Variants in GPC5 observed in about 807,000 individuals in gnomAD.
GPC5 encodes the protein glypican-5.
In GPC5, 47 loss-of-function variants were observed where a neutral mutation model predicts 53.9. That is an observed-to-expected ratio of 0.87 (90% CI 0.69 to 1.11). The LOEUF (loss-of-function observed/expected upper bound fraction) is 1.11. GPC5 is among the 50% of genes most tolerant of loss of function. The pLI is 0.00. For missense variants in GPC5, 748 were observed against 713.1 expected (o/e 1.05, Z -0.56); for synonymous variants, 286 against 263.3 (o/e 1.09, Z -0.84).
At chr13:91,930,168 G>A (rs140402213) in intron 6 of GPC5, among the ~76,000 whole-genome samples, 10 of 152,090 alleles carry the variant, frequency 6.6e-5, no homozygotes, top group Admixed American at 4.6e-4. Context: ...TGGATAGAAC[G>A]ACCATGAAGC....
At chr13:92,844,951 G>A (rs1878563767) in intron 7 of GPC5, among the ~76,000 whole-genome samples, 1 of 152,090 alleles carries the variant, frequency 6.6e-6, no homozygotes, top group Non-Finnish European at 1.5e-5. Context: ...CACAGATACA[G>A]TTGGAAGGAA....
At chr13:91,809,698 G>T (rs1158154810) in intron 5 of GPC5, among the ~76,000 whole-genome samples, 1 of 151,576 alleles carries the variant, frequency 6.6e-6, no homozygotes, top group Non-Finnish European at 1.5e-5. Context: ...CTCCTGCTTT[G>T]TTTTTTTAAT....
intron 5 of GPC5, among the ~76,000 whole-genome samples, chr13:91,837,354 A>G: frequency 6.6e-6 from 1 of 152,082 alleles, no homozygotes; most frequent in East Asian, 1.9e-4. Flanking sequence ...CCTGAATGAC[A>G]ATATGGGTCA....
At chr13:91,637,437 G>A (rs571553288) in intron 2 of GPC5, among the ~76,000 whole-genome samples, 1 of 152,288 alleles carries the variant, frequency 6.6e-6, no homozygotes, top group African/African-American at 2.4e-5. Flanking sequence ...GACATTCCCA[G>A]GCAACAGTGG....
chr13:92,583,817 T>C (rs552588567), intron 7 of GPC5, among the ~76,000 whole-genome samples: 1 of 152,144 alleles, frequency 6.6e-6, no homozygotes, highest in Non-Finnish European at 1.5e-5. Context: ...GGCAGGTAAT[T>C]GAATCATGAG....
At chr13:91,424,252 C>T (rs1878850025) in intron 1 of GPC5, among the ~76,000 whole-genome samples, 1 of 145,180 alleles carries the variant, frequency 6.9e-6, no homozygotes, top group Non-Finnish European at 1.5e-5. Context: ...GTGGCAAGTA[C>T]ATCAGTTTCA....
chr13:92,740,631 A>T (rs1400734733), intron 7 of GPC5, among the ~76,000 whole-genome samples: 1 of 152,050 alleles, frequency 6.6e-6, no homozygotes, highest in Non-Finnish European at 1.5e-5. Flanking sequence ...AATGGCTAAA[A>T]GTACCAGGAA....
chr13:91,702,603 T>A (rs947934854), intron 3 of GPC5, among the ~76,000 whole-genome samples: 4 of 152,046 alleles, frequency 2.6e-5, no homozygotes, highest in Non-Finnish European at 5.9e-5. Context: ...TATTGCACAA[T>A]ATTGCTTTAC....
chr13:92,583,507 G>C (rs1883435560), intron 7 of GPC5, among the ~76,000 whole-genome samples: 1 of 152,154 alleles, frequency 6.6e-6, no homozygotes, highest in African/African-American at 2.4e-5. Context: ...GAAAAGAACA[G>C]AAGTTAGTGA....
intron 3 of GPC5, among the ~76,000 whole-genome samples, chr13:91,710,670 G>A (rs2036205503): frequency 6.6e-6 from 1 of 152,118 alleles, no homozygotes; most frequent in African/African-American, 2.4e-5. Context: ...GGGTTCTAAG[G>A]CAGCCCAAGC....
At chr13:92,451,776 T>C (rs1271374804) in intron 7 of GPC5, among the ~76,000 whole-genome samples, 1 of 152,178 alleles carries the variant, frequency 6.6e-6, no homozygotes, top group African/African-American at 2.4e-5. Context: ...ACTTTAGAAT[T>C]GCTGCAAAAT....
At position 92,690,741 on chromosome 13, in the gene GPC5, T is replaced by C. The variant is rs1370987526; in HGVS notation, c.1562-175541T>C. Among the ~76,000 whole-genome samples, 8 of 104,052 alleles carry C rather than the reference T, an allele frequency of 7.7e-5. No individual in the cohort carries two copies. In the Admixed American group the frequency reaches 8.8e-4, roughly 11 times the overall value. 68.3% of individuals were successfully genotyped at this position (104,052 alleles called of 152,430 possible). ...TGATGATGGTGATGTACAGATGGGT[T>C]TTTGGTGTAGATGTCCTTTCTGGTT... is the stretch of plus-strand genomic sequence containing the variant. On this transcript the variant is annotated intron_variant, in intron 7 of 7. Coordinates refer to ENST00000377067, the MANE Select transcript of GPC5 (RefSeq NM_004466.6).
intron 7 of GPC5, among the ~76,000 whole-genome samples, chr13:92,654,722 T>A (rs1311593056): frequency 6.6e-6 from 1 of 150,880 alleles, no homozygotes; most frequent in Non-Finnish European, 1.5e-5. Flanking sequence ...AATTTTATTT[T>A]TATACTCAAC....
intron 5 of GPC5, among the ~76,000 whole-genome samples, chr13:91,760,034 T>G (rs1293816868): frequency 6.6e-6 from 1 of 152,094 alleles, no homozygotes; most frequent in African/African-American, 2.4e-5. Context: ...TAATTTGTAT[T>G]GTACATACTT....
At chr13:91,555,142 C>G (rs780759419) in intron 2 of GPC5, among the ~76,000 whole-genome samples, 2 of 151,986 alleles carry the variant, frequency 1.3e-5, no homozygotes, top group African/African-American at 4.8e-5. Context: ...TCACCCAGTT[C>G]CCCCCAGTGG....
chr13:92,712,474 AC>A (rs1888173838), intron 7 of GPC5, among the ~76,000 whole-genome samples: 3 of 145,542 alleles, frequency 2.1e-5, no homozygotes, highest in African/African-American at 7.6e-5. Flanking sequence ...CAAAAAAAAA[AC>A]GGCAAAATCA....
At chr13:92,541,578 T>G (rs1337192665) in intron 7 of GPC5, among the ~76,000 whole-genome samples, 1 of 151,750 alleles carries the variant, frequency 6.6e-6, no homozygotes, top group Non-Finnish European at 1.5e-5. Context: ...AATAGCTTTT[T>G]TTTGCTGTGT....
chr13:91,901,516 G>T (rs570293375), intron 5 of GPC5, among the ~76,000 whole-genome samples: 5 of 152,118 alleles, frequency 3.3e-5, no homozygotes, highest in Non-Finnish European at 7.4e-5. Flanking sequence ...GAGAAAAAGT[G>T]CTGTGTACAA....
chr13:91,862,777 C>A (rs1223849988), intron 5 of GPC5, among the ~76,000 whole-genome samples: 4 of 152,026 alleles, frequency 2.6e-5, no homozygotes, highest in African/African-American at 9.7e-5. Context: ...TAAAATTTCA[C>A]CAATAGTCCC....
Sources: allele counts gnomAD v4.1 joint callset (sites outside exome capture counted in the v4.1 genomes callset), GRCh38; gene constraint gnomAD v4.1.1; transcripts MANE v1.5; gene names NCBI Gene and HGNC (gene_info 2026-07-23, HGNC 2026-07-21).